TAF4B: variants seen among roughly 807,000 people sequenced by gnomAD.
TAF4B encodes the protein TATA-box binding protein associated factor 4b.
In TAF4B, 38 loss-of-function variants were observed where a neutral mutation model predicts 86.4. That is an observed-to-expected ratio of 0.44 (90% CI 0.34 to 0.58). TAF4B has a LOEUF of 0.58. Ranked by LOEUF, TAF4B falls within the 20% of genes least tolerant of loss-of-function variation. TAF4B has a pLI of 0.02. For synonymous variants in TAF4B, 388 were observed against 391.2 expected (o/e 0.99, Z 0.10); for missense variants, 988 against 1,027.6 (o/e 0.96, Z 0.53).
Position 26,286,400 on chromosome 18 carries a change from G to A in TAF4B, c.1491G>A (p.Lys497=), listed in dbSNP as rs187030720. 3.1e-6 allele frequency: 5 copies of A among 1,614,172 alleles called. No homozygotes were observed. The African/African-American group carries it at 5.3e-5, about 17-fold the overall frequency. Residue 497 remains lysine, a synonymous_variant, in exon 7 of 15, where the codon AAG becomes AAA. Coordinates refer to ENST00000269142, the MANE Select transcript of TAF4B (RefSeq NM_005640.3). ...CTTCTGCTGGGACCACATCTGACAA[G>A]CCTGTTATTGGGACTCCAGTTCAAA... is the stretch of plus-strand genomic sequence containing the variant. ...VVSSAGTTSD[K]PVIGTPVQIK...
intron 12 of TAF4B, 151 bp downstream of exon 12, chr18:26,327,291 C>G (rs2057012122): frequency 1.0e-6 from 1 of 962,696 alleles, no homozygotes; most frequent in African/African-American, 1.6e-5. Flanking sequence ...GTCTCACAGC[C>G]AGGATGGTGT....
chr18:26,385,677 G>T, intron 14 of TAF4B, among the ~76,000 whole-genome samples: 1 of 71,030 alleles, frequency 1.4e-5, no homozygotes, highest in Non-Finnish European at 3.0e-5. Flanking sequence ...AGAATAAACA[G>T]CGTTTTTTTT....
chr18:26,337,000 A>AT (rs1219942785), intron 13 of TAF4B, among the ~76,000 whole-genome samples: 9 of 152,322 alleles, frequency 5.9e-5, no homozygotes, highest in South Asian at 2.1e-4. Context: ...TTTCAAAGAA[A>AT]TCTGTGAGAG....
intron 3 of TAF4B, among the ~76,000 whole-genome samples, chr18:26,270,117 G>A (rs2056294401): frequency 6.6e-6 from 1 of 152,082 alleles, no homozygotes; most frequent in Admixed American, 6.6e-5. Context: ...AACATACTTA[G>A]CAACATGATC....
At chr18:26,377,165 G>C (rs1216531986) in intron 14 of TAF4B, among the ~76,000 whole-genome samples, 1 of 151,954 alleles carries the variant, frequency 6.6e-6, no homozygotes, top group Non-Finnish European at 1.5e-5. Context: ...AGCTTGTTTA[G>C]GTATCAGAGT....
chr18:26,352,373 C>A (rs2057252741), intron 13 of TAF4B, among the ~76,000 whole-genome samples: 2 of 151,818 alleles, frequency 1.3e-5, no homozygotes, highest in Admixed American at 6.6e-5. Context: ...AATTAAACTT[C>A]TTCCTTGAGA....
Position 26,285,222 on chromosome 18 carries a change from G to GTTTTTGTTTTTGTTTTTTTTTT in TAF4B, c.973-655_973-654insGTTTTTGTTTTTTTTTTTTTTT. 1.6e-3 allele frequency among the ~76,000 whole-genome samples: 72 copies of GTTTTTGTTTTTGTTTTTTTTTT among 45,676 alleles called. 9 individuals carry two copies. The highest frequency in any genetic ancestry group is 2.9e-3 in the African/African-American group (47 of 15,976). 30.0% of individuals were successfully genotyped at this position (45,676 alleles called of 152,430 possible). On this transcript the variant is annotated intron_variant, in intron 6 of 14. Transcript: ENST00000269142. ...ATTTCTTCCTTTCCTTTTTTTTTTTGTTTTTTTTTTTTTTGGAGATGGGGT... is the reference window on the plus strand; with the variant it reads ...ATTTCTTCCTTTCCTTTTTTTTTTTGTTTTTGTTTTTGTTTTTTTTTTTTTTTTTTTTTTTTGGAGATGGGGT...
At chr18:26,277,335 C>T (rs941277988) in intron 5 of TAF4B, among the ~76,000 whole-genome samples, 10 of 152,154 alleles carry the variant, frequency 6.6e-5, no homozygotes, top group African/African-American at 2.4e-4. Flanking sequence ...ATCATCCCAC[C>T]TTGGCCTGGC....
Position 26,257,835 on chromosome 18 carries a change from C to CTGTG in TAF4B, c.344-7333_344-7332insTGTG, listed in dbSNP as rs1286241836. On this transcript the variant is annotated intron_variant, in intron 1 of 14. Transcript: ENST00000269142. The stretch of plus-strand genomic sequence containing the variant: ...CATATAGTTCATTTCTGGCTTTCCT[C>CTGTG]TGCGTGCGTGTGTGTGTGTGTGTGT... Among the ~76,000 whole-genome samples, 2 of 123,264 alleles carry CTGTG rather than the reference C, an allele frequency of 1.6e-5. 1 individual carries two copies. Among genetic ancestry groups the CTGTG allele is most frequent in the East Asian group, 5.0e-4 (2 of 4,024 alleles). The allele number at this position is 123,264 out of a possible 152,430, so 80.9% of individuals were successfully genotyped here. A position where few individuals can be genotyped will look rare whatever the true frequency, so the allele number is the denominator to read the frequency against.
At chr18:26,350,135 A>T (rs1000773576) in intron 13 of TAF4B, among the ~76,000 whole-genome samples, 4 of 152,260 alleles carry the variant, frequency 2.6e-5, no homozygotes, top group Non-Finnish European at 5.9e-5. Context: ...GCTTCAGGAC[A>T]TACTTTATGT....
chr18:26,294,531 G>A (rs1467346247), intron 9 of TAF4B, among the ~76,000 whole-genome samples: 2 of 148,514 alleles, frequency 1.3e-5, no homozygotes. Context: ...TGTTATATTT[G>A]TATATATTTC....
chr18:26,370,569 A>G (rs146952209), intron 14 of TAF4B, among the ~76,000 whole-genome samples: 1 of 152,272 alleles, frequency 6.6e-6, no homozygotes, highest in Non-Finnish European at 1.5e-5. Flanking sequence ...CTCAGGACCT[A>G]TCCTCACCAC....
At chr18:26,296,095 T>C (rs1239477482) in intron 9 of TAF4B, among the ~76,000 whole-genome samples, 1 of 152,086 alleles carries the variant, frequency 6.6e-6, no homozygotes, top group Non-Finnish European at 1.5e-5. Context: ...TTTTTTACCC[T>C]TTATTTATGT....
At chr18:26,264,957 A>G (rs764841454) in intron 1 of TAF4B, among the ~76,000 whole-genome samples, 8 of 152,262 alleles carry the variant, frequency 5.3e-5, no homozygotes, top group Non-Finnish European at 1.0e-4. Flanking sequence ...TGCTTTCTTC[A>G]GGAGCATCTC....
chr18:26,339,666 C>CT (rs371881263), intron 13 of TAF4B, among the ~76,000 whole-genome samples: 1 of 152,168 alleles, frequency 6.6e-6, no homozygotes, highest in Admixed American at 6.5e-5. Flanking sequence ...TTGCTAAACT[C>CT]TAACTTCAGA....
At chr18:26,238,610 T>C (rs2055786930) in intron 1 of TAF4B, among the ~76,000 whole-genome samples, 1 of 152,236 alleles carries the variant, frequency 6.6e-6, no homozygotes, top group African/African-American at 2.4e-5. Flanking sequence ...TAAATTATAC[T>C]TTAAGTTCTA....
At chr18:26,358,232 A>G (rs1621199) in intron 14 of TAF4B, among the ~76,000 whole-genome samples, 58,516 of 152,036 alleles carry the variant, frequency 0.38, 13,533 homozygotes, top group East Asian at 0.81. Context: ...ATGTGTTTGC[A>G]TGGCATTGTT....
At chr18:26,306,514 G>A (rs2056796313) in intron 9 of TAF4B, among the ~76,000 whole-genome samples, 1 of 152,154 alleles carries the variant, frequency 6.6e-6, no homozygotes, top group African/African-American at 2.4e-5. Flanking sequence ...ACCATTGTAT[G>A]TATACCGAGT....
intron 1 of TAF4B, among the ~76,000 whole-genome samples, chr18:26,244,260 C>G (rs933310068): frequency 6.6e-6 from 1 of 152,236 alleles, no homozygotes; most frequent in Non-Finnish European, 1.5e-5. Context: ...TTTACCTATT[C>G]AAGCCTCCGC....
Sources: gnomAD v4.1 joint callset for allele counts (sites outside exome capture counted in the v4.1 genomes callset) on GRCh38, gnomAD v4.1.1 for gene constraint, MANE v1.5 for transcripts, NCBI Gene and HGNC (gene_info 2026-07-23, HGNC 2026-07-21) for gene names.